The following LIN28B variants were observed in gnomAD, a reference collection of about 807,000 sequenced individuals.
The protein encoded by LIN28B is lin-28 RNA binding posttranscriptional regulator B, also known as protein lin-28 homolog B.
A neutral mutation model predicts 21.9 loss-of-function variants in LIN28B; 5 were observed. That is an observed-to-expected ratio of 0.23 (90% CI 0.12 to 0.48). The LOEUF (loss-of-function observed/expected upper bound fraction) is 0.48, where lower values mean the gene tolerates loss of function less well. Ranked by LOEUF, LIN28B falls within the 20% of genes least tolerant of loss-of-function variation. LIN28B has a pLI of 0.98. For missense variants in LIN28B, 245 were observed against 310.5 expected (o/e 0.79, Z 1.58); for synonymous variants, 109 against 111.3 (o/e 0.98, Z 0.13).
At chr6:105,039,073 T>C (rs964316571) in intron 3 of LIN28B, among the ~76,000 whole-genome samples, 8 of 152,222 alleles carry the variant, frequency 5.3e-5, no homozygotes, top group African/African-American at 1.7e-4. Flanking sequence ...TGGGGCCCAC[T>C]GGTGGCTTTG....
intron 2 of LIN28B, among the ~76,000 whole-genome samples, chr6:105,015,209 T>C (rs924642721): frequency 6.6e-6 from 1 of 152,188 alleles, no homozygotes; most frequent in Admixed American, 6.5e-5. Flanking sequence ...CAAAGCTCTG[T>C]TACTGGGCAC....
upstream of LIN28B, among the ~76,000 whole-genome samples, chr6:104,954,161 A>G (rs1305950276): frequency 6.6e-6 from 1 of 152,180 alleles, no homozygotes; most frequent in Non-Finnish European, 1.5e-5. Context: ...TTTTGCAGGA[A>G]TAAAACACCC....
At chr6:104,953,147 G>A (rs1778240463), upstream of LIN28B, among the ~76,000 whole-genome samples, 1 of 152,228 alleles carries the variant, frequency 6.6e-6, no homozygotes, top group South Asian at 2.1e-4. Flanking sequence ...ATCTTGCCAG[G>A]GGCAGAGAGA....
intron 2 of LIN28B, among the ~76,000 whole-genome samples, chr6:104,941,623 C>T (rs1778096174): frequency 6.6e-6 from 1 of 151,986 alleles, no homozygotes; most frequent in Non-Finnish European, 1.5e-5. Flanking sequence ...GCAAGCCGAA[C>T]TGCTTTGTAC....
intron 3 of LIN28B, among the ~76,000 whole-genome samples, chr6:105,027,011 T>C (rs1223019749): frequency 6.6e-6 from 1 of 152,126 alleles, no homozygotes; most frequent in East Asian, 1.9e-4. Context: ...TCAATTGTTA[T>C]CACTTCATAA....
chr6:104,968,354 A>G (rs1034485852), intron 2 of LIN28B, among the ~76,000 whole-genome samples: 3 of 152,340 alleles, frequency 2.0e-5, no homozygotes, highest in Middle Eastern at 3.4e-3. Context: ...GCTAAATGCA[A>G]TGATTTCTCA....
At chr6:104,973,904 A>G (rs762722183) in intron 2 of LIN28B, among the ~76,000 whole-genome samples, 2 of 152,192 alleles carry the variant, frequency 1.3e-5, no homozygotes, top group Non-Finnish European at 2.9e-5. Context: ...TCTTAACAAG[A>G]GCATTGGATG....
chr6:104,966,770 C>T (rs536825995), intron 2 of LIN28B, among the ~76,000 whole-genome samples: 4 of 152,016 alleles, frequency 2.6e-5, no homozygotes, highest in Admixed American at 6.6e-5. Context: ...TACAGGCACT[C>T]GCCACCACGC....
chr6:105,059,867 A>G (rs1381017265), intron 3 of LIN28B, among the ~76,000 whole-genome samples: 1 of 151,392 alleles, frequency 6.6e-6, no homozygotes. Context: ...GCATCTTACA[A>G]TATTTTCCCT....
intron 2 of LIN28B, among the ~76,000 whole-genome samples, chr6:105,011,527 G>A (rs1770922656): frequency 2.0e-5 from 3 of 152,200 alleles, no homozygotes; most frequent in South Asian, 2.1e-4. Context: ...CCCTCTGGGT[G>A]TATAGGTCTC....
chr6:105,011,678 C>T (rs1453794799), intron 2 of LIN28B, among the ~76,000 whole-genome samples: 9 of 150,982 alleles, frequency 6.0e-5, no homozygotes, highest in African/African-American at 2.2e-4. Flanking sequence ...GGAGAAACTC[C>T]GTCTCTACTA....
chr6:104,957,684 C>A (rs148098918), intron 1 of LIN28B, among the ~76,000 whole-genome samples: 1 of 152,114 alleles, frequency 6.6e-6, no homozygotes, highest in Non-Finnish European at 1.5e-5. Context: ...TAGCTCTAAA[C>A]CATCTTCACG....
chr6:105,026,251 A>G (rs771210806), intron 2 of LIN28B, 47 bp from the exon 3 acceptor site: 8 of 1,010,438 alleles, frequency 7.9e-6, no homozygotes, highest in Non-Finnish European at 1.0e-5. Context: ...AAGCAATGAT[A>G]ATTTTAATCT....
In LIN28B at chr6:105,079,290, T is replaced by A. The variant is rs150421099; in HGVS notation, c.*507T>A. ...GTTACCTTTTGTGTGAACCAAAGGA[T>A]ACTTCAGATCTCAGAGCTGCCAATT... On this transcript the variant is annotated 3_prime_UTR_variant, in exon 4 of 4. Coordinates refer to ENST00000345080, the MANE Select transcript of LIN28B (RefSeq NM_001004317.4). 6.5e-6 allele frequency: 1 copy of A among 152,820 alleles called. No individual in the cohort carries two copies. The highest frequency in any genetic ancestry group is 2.4e-5 in the African/African-American group (1 of 41,460). 9.5% of individuals were successfully genotyped at this position (152,820 alleles called of 1,614,324 possible).
intron 2 of LIN28B, among the ~76,000 whole-genome samples, chr6:104,971,710 C>G (rs1433935744): frequency 1.3e-5 from 2 of 151,966 alleles, no homozygotes; most frequent in South Asian, 2.1e-4. Context: ...TTTTTATGTC[C>G]TCTACAATTG....
intron 2 of LIN28B, among the ~76,000 whole-genome samples, chr6:104,976,319 CAG>C (rs773411210): frequency 7.2e-5 from 11 of 152,076 alleles, no homozygotes; most frequent in Admixed American, 1.3e-4. Context: ...GACCTAGTCT[CAG>C]GGTGAGAAAG....
chr6:105,036,904 TA>T (rs1771532979), intron 3 of LIN28B, among the ~76,000 whole-genome samples: 1 of 152,194 alleles, frequency 6.6e-6, no homozygotes, highest in African/African-American at 2.4e-5. Context: ...AATTTGGTAG[TA>T]TTTTAGAAAT....
At chr6:105,012,929 A>T (rs1770953524) in intron 2 of LIN28B, among the ~76,000 whole-genome samples, 2 of 152,128 alleles carry the variant, frequency 1.3e-5, no homozygotes, top group South Asian at 4.1e-4. Context: ...TTATATTCCT[A>T]CCAGCAGTAT....
chr6:104,982,914 T>G (rs901127952), intron 2 of LIN28B, among the ~76,000 whole-genome samples: 1 of 152,196 alleles, frequency 6.6e-6, no homozygotes, highest in African/African-American at 2.4e-5. Flanking sequence ...TCTTCCCACC[T>G]CAGCCTCTCA....
Sources: gnomAD v4.1 joint callset for allele counts (sites outside exome capture counted in the v4.1 genomes callset) on GRCh38, gnomAD v4.1.1 for gene constraint, MANE v1.5 for transcripts, NCBI Gene and HGNC (gene_info 2026-07-23, HGNC 2026-07-21) for gene names.